Variants in AMD1 observed in about 807,000 individuals in gnomAD.
AMD1 encodes the protein adenosylmethionine decarboxylase 1.
AMD1 carries 11 observed loss-of-function variants against 40.2 expected under a neutral mutation model. The observed-to-expected ratio is 0.27, with a 90% confidence interval of 0.17 to 0.45. AMD1 has a LOEUF of 0.45. Among genes scored for constraint, AMD1 ranks in the 20% least tolerant of loss-of-function variants. The pLI is 1.00. For synonymous variants in AMD1, 121 were observed against 130.8 expected (o/e 0.93, Z 0.51); for missense variants, 257 against 410.2 (o/e 0.63, Z 3.23).
rs1189386996 is a variant in AMD1 at position 110,895,576 on chromosome 6, A to G, written c.*1960A>G. The G allele has an allele frequency of 1.3e-5, 2 of 152,660 alleles. No homozygotes were observed. Among genetic ancestry groups the G allele is most frequent in the African/African-American group, 4.8e-5 (2 of 41,468 alleles). 9.5% of individuals were successfully genotyped at this position (152,660 alleles called of 1,614,324 possible). A position where few individuals can be genotyped will look rare whatever the true frequency, so the allele number is the denominator to read the frequency against. The stretch of plus-strand genomic sequence containing the variant: ...TGTAGTTTGAATCATAATCTAAATC[A>G]TCGTATGATAGAAGAGGGAAAGTTT... On this transcript the variant is annotated 3_prime_UTR_variant, in exon 9 of 9. Coordinates refer to ENST00000368885, the MANE Select transcript of AMD1 (RefSeq NM_001634.6).
Position 110,892,834 on chromosome 6 carries a change from A to G in AMD1, c.708+7A>G, listed in dbSNP as rs760824014. 21 of 1,613,490 alleles carry G rather than the reference A, an allele frequency of 1.3e-5. No individual in the cohort carries two copies. Among genetic ancestry groups the G allele is most frequent in the Non-Finnish European group, 1.8e-5 (21 of 1,179,760 alleles). On this transcript the variant is annotated splice_region_variant and intron_variant, in intron 7 of 8. Coordinates refer to ENST00000368885, the MANE Select transcript of AMD1 (RefSeq NM_001634.6). ...GAATGGAATGAAATCGGATGTGAGT[A>G]GTTATATATTGCTTCAATAATTATT... is the stretch of plus-strand genomic sequence containing the variant.
chr6:110,816,994 T>G, the AMD1 span, among the ~76,000 whole-genome samples: 1 of 152,172 alleles, frequency 6.6e-6, no homozygotes, highest in Admixed American at 6.5e-5. Context: ...AATTAAAACT[T>G]TTTCTCCTGT....
At chr6:110,886,689 C>T (rs1785705149) in intron 1 of AMD1, among the ~76,000 whole-genome samples, 1 of 152,212 alleles carries the variant, frequency 6.6e-6, no homozygotes, top group Non-Finnish European at 1.5e-5. Flanking sequence ...AAGAGAATTG[C>T]TTGAGCCTGG....
intron 1 of AMD1, among the ~76,000 whole-genome samples, chr6:110,884,960 A>G (rs1441722434): frequency 3.3e-5 from 5 of 152,240 alleles, no homozygotes; most frequent in Admixed American, 3.3e-4. Flanking sequence ...TAAGCTCTTT[A>G]AAAATCTGAA....
the AMD1 span, among the ~76,000 whole-genome samples, chr6:110,831,019 G>T: frequency 6.6e-6 from 1 of 152,100 alleles, no homozygotes; most frequent in Admixed American, 6.6e-5. Flanking sequence ...ATGTGTCTGG[G>T]TGTGGGTATT....
At chr6:110,887,437 G>A in intron 1 of AMD1, 68 bp from the exon 2 acceptor site, 3 of 1,132,074 alleles carry the variant, frequency 2.7e-6, no homozygotes, top group Non-Finnish European at 3.8e-6. Context: ...AAAAGTGTGA[G>A]CTTTGTAATT....
the AMD1 span, among the ~76,000 whole-genome samples, chr6:110,869,168 T>C: frequency 6.6e-6 from 1 of 152,248 alleles, no homozygotes; most frequent in East Asian, 1.9e-4. Flanking sequence ...TCTCTCTCTG[T>C]AGCCCAGGCT....
chr6:110,869,422 G>C, the AMD1 span, among the ~76,000 whole-genome samples: 1 of 149,514 alleles, frequency 6.7e-6, no homozygotes, highest in Non-Finnish European at 1.5e-5. Context: ...GTGAGCCACC[G>C]CGCCCAGCCC....
chr6:110,859,459 C>T, the AMD1 span, among the ~76,000 whole-genome samples: 1 of 152,202 alleles, frequency 6.6e-6, no homozygotes, highest in Non-Finnish European at 1.5e-5. Context: ...GGGACCCAGT[C>T]CCCGAAGGTT....
chr6:110,892,021 C>CTACTA, intron 4 of AMD1, 140 bp from the exon 5 acceptor site: 1 of 1,004,190 alleles, frequency 1.0e-6, no homozygotes, highest in Admixed American at 1.9e-5. Flanking sequence ...TAGACATGAG[C>CTACTA]TACTATGCCC....
the AMD1 span, chr6:110,815,377 G>A: frequency 2.7e-6 from 1 of 377,222 alleles, no homozygotes; most frequent in Non-Finnish European, 4.7e-6. Flanking sequence ...GGCTCCCGCA[G>A]GCACCCCCAG....
At chr6:110,890,468 T>C in intron 4 of AMD1, 112 bp downstream of exon 4, 2 of 757,830 alleles carry the variant, frequency 2.6e-6, no homozygotes, top group South Asian at 1.7e-5. Flanking sequence ...CTACACACAC[T>C]AATACTTGCT....
chr6:110,841,430 G>C, the AMD1 span, among the ~76,000 whole-genome samples: 1 of 152,160 alleles, frequency 6.6e-6, no homozygotes, highest in Non-Finnish European at 1.5e-5. Flanking sequence ...TGTCTGTGCT[G>C]GGCTTGCTCA....
chr6:110,836,219 G>A, the AMD1 span, among the ~76,000 whole-genome samples: 8 of 152,094 alleles, frequency 5.3e-5, no homozygotes, highest in East Asian at 1.5e-3. Context: ...TTAGACAAGT[G>A]TGCAAAGATA....
the AMD1 span, among the ~76,000 whole-genome samples, chr6:110,860,608 G>A: frequency 6.6e-6 from 1 of 151,178 alleles, no homozygotes; most frequent in Admixed American, 6.6e-5. Flanking sequence ...CGACCAACCT[G>A]CCCAACATGG....
the AMD1 span, among the ~76,000 whole-genome samples, chr6:110,852,907 G>C: frequency 6.6e-6 from 1 of 150,950 alleles, no homozygotes; most frequent in Non-Finnish European, 1.5e-5. Context: ...GAACTAACAT[G>C]AAAACTTTAG....
chr6:110,833,962 A>G, the AMD1 span, among the ~76,000 whole-genome samples: 1 of 148,180 alleles, frequency 6.7e-6, no homozygotes, highest in Non-Finnish European at 1.5e-5. Context: ...AGGAAAAACA[A>G]TTTTTTTTTT....
At chr6:110,841,934 C>A in the AMD1 span, among the ~76,000 whole-genome samples, 1 of 152,088 alleles carries the variant, frequency 6.6e-6, no homozygotes, top group African/African-American at 2.4e-5. Flanking sequence ...TCCCAGGTAG[C>A]TGGGACTACA....
Position 110,895,163 on chromosome 6 carries a change from C to T in AMD1, c.*1547C>T, listed in dbSNP as rs2115318976. 2 of 152,206 alleles carry T rather than the reference C, an allele frequency of 1.3e-5. 1 individual carries two copies. Among genetic ancestry groups the T allele is most frequent in the South Asian group, 4.1e-4 (2 of 4,826 alleles). 9.4% of individuals were successfully genotyped at this position (152,206 alleles called of 1,614,324 possible). ...GGATTGATGCAGTGATGTTTTTGTTCCTTCCGTATTTATAAATGAAACACC... is the reference window on the plus strand; with the variant it reads ...GGATTGATGCAGTGATGTTTTTGTTTCTTCCGTATTTATAAATGAAACACC... On this transcript the variant is annotated 3_prime_UTR_variant, in exon 9 of 9. Coordinates refer to ENST00000368885, the MANE Select transcript of AMD1 (RefSeq NM_001634.6).
Sources: allele counts gnomAD v4.1 joint callset (sites outside exome capture counted in the v4.1 genomes callset), GRCh38; gene constraint gnomAD v4.1.1; transcripts MANE v1.5; gene names NCBI Gene and HGNC (gene_info 2026-07-23, HGNC 2026-07-21).